The following NKD2 variants were observed in gnomAD, a reference collection of about 807,000 sequenced individuals.
NKD2 encodes protein naked cuticle homolog 2.
NKD2 carries 43 observed loss-of-function variants against 34.8 expected under a neutral mutation model. That is an observed-to-expected ratio of 1.24 (90% CI 0.97 to 1.60). The LOEUF is 1.60. NKD2 is among the 40% of genes most tolerant of loss of function. NKD2 has a pLI of 0.00. For missense variants in NKD2, 675 were observed against 627.1 expected (o/e 1.08, Z -0.82); for synonymous variants, 278 against 265.1 (o/e 1.05, Z -0.47).
intron 3 of NKD2, among the ~76,000 whole-genome samples, chr5:1,029,397 G>C (rs376956712): frequency 6.6e-6 from 1 of 152,108 alleles, no homozygotes; most frequent in Non-Finnish European, 1.5e-5. Context: ...GGTTATTACA[G>C]TTTTTATTGG....
rs531222398 is a variant in NKD2, at chr5:1,036,020, C to A, written c.660-237C>A. The A allele has an allele frequency of 4.1e-5, 37 of 912,672 alleles. No individual in the cohort carries two copies. In the African/African-American group the frequency reaches 5.8e-4, roughly 14 times the overall value. 56.5% of individuals were successfully genotyped at this position (912,672 alleles called of 1,614,324 possible). On this transcript the variant is annotated intron_variant, in intron 8 of 9. Transcript: ENST00000296849. ...CATGAGCCACTCCCTAGAGCACCTG[C>A]GGCTCTGGTGCCTGGGAGGGAGTTC...
Position 1,008,985 on chromosome 5 carries a change from C to T in NKD2, c.-73C>T. ...TTGCTCCCGGCCCATGCGGCCCCCG[C>T]GGGCTCCCGGCCCCGGCTTCAGAAC... On this transcript the variant is annotated 5_prime_UTR_variant, in exon 1 of 10. Coordinates refer to ENST00000296849, the MANE Select transcript of NKD2 (RefSeq NM_033120.4). 2.4e-6 allele frequency: 1 copy of T among 416,642 alleles called. No individual in the cohort carries two copies. Among genetic ancestry groups the T allele is most frequent in the Non-Finnish European group, 4.2e-6 (1 of 238,364 alleles). The allele number at this position is 416,642 out of a possible 1,614,324, so 25.8% of individuals were successfully genotyped here.
chr5:1,037,678 TG>T, intron 9 of NKD2, 126 bp from the exon 10 acceptor site: 1 of 1,537,420 alleles, frequency 6.5e-7, no homozygotes, highest in Non-Finnish European at 8.7e-7. Flanking sequence ...ACTGCAGACT[TG>T]GCTAACAGAC....
At chr5:1,036,769 C>T (rs1561001555) in intron 9 of NKD2, 1 of 473,044 alleles carries the variant, frequency 2.1e-6, no homozygotes, top group Non-Finnish European at 4.2e-6. Flanking sequence ...GGGGGTCGTC[C>T]AGTAGTGTGG....
At chr5:1,027,662 T>C (rs1030276590) in intron 3 of NKD2, among the ~76,000 whole-genome samples, 1 of 152,230 alleles carries the variant, frequency 6.6e-6, no homozygotes, top group Non-Finnish European at 1.5e-5. Flanking sequence ...GTTTAGGTCA[T>C]GTCCCAGAGG....
intron 3 of NKD2, among the ~76,000 whole-genome samples, chr5:1,011,691 A>T (rs1041895118): frequency 6.6e-6 from 1 of 151,932 alleles, no homozygotes; most frequent in African/African-American, 2.4e-5. Context: ...CCTCCGACCT[A>T]CCCTCTCTCC....
chr5:1,013,314 G>A (rs1407137861), intron 3 of NKD2, among the ~76,000 whole-genome samples: 3 of 152,374 alleles, frequency 2.0e-5, no homozygotes, highest in Admixed American at 6.5e-5. Context: ...GGCAGCTGCA[G>A]TGTGTCATGG....
Position 1,038,424 on chromosome 5 carries a change from A to G in NKD2, c.*51A>G, listed in dbSNP as rs1694279520. The G allele has an allele frequency of 1.3e-6, 2 of 1,534,312 alleles. No individual in the cohort carries two copies. The highest frequency in any genetic ancestry group is 1.7e-6 in the Non-Finnish European group (2 of 1,145,548). ...CCAGCACACCACAGCCCGCGACCTC[A>G]GGGCAGGGAGCAGAGCAGCTGCCGG... On this transcript the variant is annotated 3_prime_UTR_variant, in exon 10 of 10. Transcript: ENST00000296849. The surrounding 1 kb of genome is among the most constrained non-coding windows in gnomAD (Gnocchi z 4.5).
intron 3 of NKD2, among the ~76,000 whole-genome samples, chr5:1,021,672 G>T (rs552347601): frequency 4.2e-4 from 64 of 151,966 alleles, no homozygotes; most frequent in Middle Eastern, 3.4e-3. Flanking sequence ...CCAGACAGGC[G>T]CGCTGGCGGA....
rs373018980 is a variant in NKD2, at chr5:1,034,714, C to T, written c.427-42C>T. ...CTGGCAGGGAGGGCGGGTGGTGTCC[C>T]CTGGGGTCTGCTCTGTCAGTGAAAC... On this transcript the variant is annotated intron_variant, in intron 6 of 9. Coordinates refer to ENST00000296849, the MANE Select transcript of NKD2 (RefSeq NM_033120.4). 4 of 1,593,324 alleles carry T rather than the reference C, an allele frequency of 2.5e-6. No individual in the cohort carries two copies. In the African/African-American group the frequency reaches 4.0e-5, roughly 16 times the overall value.
intron 3 of NKD2, among the ~76,000 whole-genome samples, chr5:1,029,156 AT>A (rs1554003865): frequency 2.6e-5 from 4 of 152,142 alleles, no homozygotes; most frequent in Admixed American, 6.5e-5. Context: ...GTAGATGCTC[AT>A]TTTTTCCCGT....
chr5:1,030,443 C>T (rs1181435158), intron 3 of NKD2, among the ~76,000 whole-genome samples: 3 of 152,252 alleles, frequency 2.0e-5, no homozygotes, highest in South Asian at 2.1e-4. Context: ...GTCCATCCCA[C>T]GAGGATTCTG....
rs1242209689 is a variant in NKD2, at chr5:1,009,506, C to T, written c.87C>T (p.Tyr29=). 1 of 1,497,632 alleles carries T rather than the reference C, an allele frequency of 6.7e-7. No individual in the cohort carries two copies. The allele number at this position is 1,497,632 out of a possible 1,614,324, so 92.8% of individuals were successfully genotyped here. The change falls in exon 3 of 10, where the codon TAC becomes TAT. Residue 29 remains tyrosine, a synonymous_variant. Coordinates refer to ENST00000296849, the MANE Select transcript of NKD2 (RefSeq NM_033120.4). This position sits in a 1 kb window ranked among gnomAD's most constrained non-coding sequence, Gnocchi z 6.9. The stretch of plus-strand genomic sequence containing the variant: ...GGGACAGCTTCGTGGCGTCCGCGTA[C>T]GCGAGCGGCCGCAAAGGCGCGGAGG... ...PEGDSFVASA[Y]ASGRKGAEEA... is the part of the protein sequence containing the mutation.
intron 9 of NKD2, 99 bp downstream of exon 9, chr5:1,036,483 C>A (rs1443545899): frequency 3.9e-6 from 3 of 768,072 alleles, no homozygotes; most frequent in Non-Finnish European, 5.9e-6. Flanking sequence ...CCCCTCCCTG[C>A]CCTGCCCCGC....
At chr5:1,030,970 G>A (rs972593977) in intron 3 of NKD2, among the ~76,000 whole-genome samples, 3 of 152,146 alleles carry the variant, frequency 2.0e-5, no homozygotes, top group African/African-American at 7.2e-5. Flanking sequence ...GCCCATGTGT[G>A]GGTGGGGGTC....
At chr5:1,028,172 C>T (rs1400328193) in intron 3 of NKD2, among the ~76,000 whole-genome samples, 21 of 152,118 alleles carry the variant, frequency 1.4e-4, no homozygotes, top group Admixed American at 1.4e-3. Flanking sequence ...AAGCGCTCAG[C>T]CCGGTGCCTG....
intron 3 of NKD2, among the ~76,000 whole-genome samples, chr5:1,019,465 G>A (rs1048999494): frequency 2.0e-5 from 3 of 152,190 alleles, no homozygotes; most frequent in Non-Finnish European, 4.4e-5. Flanking sequence ...CTGCAGCCTC[G>A]GCCAATAGCA....
chr5:1,022,139 G>A lies in NKD2; in HGVS notation c.142-10013G>A, dbSNP rs1210199186. ...TGGCCCCTGTCCACCAGTAGCCAGT[G>A]GCGCTGTCCCTGTCCCTGCTCTTCC... On this transcript the variant is annotated intron_variant, in intron 3 of 9. Coordinates refer to ENST00000296849, the MANE Select transcript of NKD2 (RefSeq NM_033120.4). Among the ~76,000 whole-genome samples the A allele has an allele frequency of 2.0e-5, 3 of 151,778 alleles. No homozygotes were observed. In the East Asian group the frequency reaches 5.8e-4, roughly 29 times the overall value.
chr5:1,020,922 G>A (rs1392681133), intron 3 of NKD2, among the ~76,000 whole-genome samples: 5 of 152,074 alleles, frequency 3.3e-5, no homozygotes, highest in Non-Finnish European at 5.9e-5. Flanking sequence ...GTGAGGGGGC[G>A]GATGCCAACA....
Sources: gnomAD v4.1 joint callset for allele counts (sites outside exome capture counted in the v4.1 genomes callset) on GRCh38, gnomAD v4.1.1 for gene constraint, Gnocchi (gnomAD v3.1) non-coding constraint, MANE v1.5 for transcripts, NCBI Gene and HGNC (gene_info 2026-07-23, HGNC 2026-07-21) for gene names.